FBXO33: variants seen among roughly 807,000 people sequenced by gnomAD.
FBXO33 encodes the protein F-box only protein 33.
FBXO33 carries 22 observed loss-of-function variants against 46.3 expected under a neutral mutation model. The observed-to-expected ratio is 0.48, with a 90% confidence interval of 0.34 to 0.68. The LOEUF is 0.68. FBXO33 is among the 30% of genes least tolerant of loss of function. The pLI is 0.01. For synonymous variants in FBXO33, 337 were observed against 291.3 expected (o/e 1.16, Z -1.60); for missense variants, 692 against 708.8 (o/e 0.98, Z 0.27).
chr14:39,432,069 G>T lies in FBXO33; in HGVS notation c.94C>A (p.Leu32Met). 1 of 1,243,606 alleles carries T rather than the reference G, an allele frequency of 8.0e-7. No homozygotes were observed. The highest frequency in any genetic ancestry group is 1.0e-6 in the Non-Finnish European group (1 of 996,354). 77.0% of individuals were successfully genotyped at this position (1,243,606 alleles called of 1,614,324 possible). ...CCCCGCAGCCGTCGCAGCTGCTGCA[G>T]CCGCAGCCGCCGCCACCGCGCCACC... ...ARVARWRRLRLQQLRRLRGLL... is the reference protein window; with the variant it reads ...ARVARWRRLRMQQLRRLRGLL... Residue 32 changes from leucine to methionine, a missense_variant, in exon 1 of 4, where the codon CTG becomes ATG. Leu to Met is a conservative substitution (Grantham distance 15). This residue lies in a region of FBXO33 where 412 missense variants were observed against 370.8 expected (regional missense o/e 1.11). Transcript: ENST00000298097.
intron 1 of FBXO33, among the ~76,000 whole-genome samples, chr14:39,412,997 G>A (rs1261110410): frequency 6.6e-6 from 1 of 152,250 alleles, no homozygotes; most frequent in Non-Finnish European, 1.5e-5. Flanking sequence ...GATAGCTGAA[G>A]GCTGGAGTGA....
At chr14:39,402,623 A>G (rs2075373897) in intron 1 of FBXO33, 112 bp from the exon 2 acceptor site, 1 of 419,824 alleles carries the variant, frequency 2.4e-6, no homozygotes, top group Non-Finnish European at 3.9e-6. Context: ...TCTATTTTAT[A>G]ACTCAATTAG....
chr14:39,409,436 T>C (rs936938499), intron 1 of FBXO33, among the ~76,000 whole-genome samples: 14 of 152,208 alleles, frequency 9.2e-5, no homozygotes, highest in African/African-American at 3.4e-4. Context: ...TCCACTGGTC[T>C]ATACATCCAT....
intron 1 of FBXO33, among the ~76,000 whole-genome samples, chr14:39,417,681 C>T (rs1242889135): frequency 1.3e-5 from 2 of 152,158 alleles, no homozygotes; most frequent in Non-Finnish European, 2.9e-5. Context: ...CAGGCATGCA[C>T]CACCATGCCC....
At chr14:39,415,447 G>A (rs905647062) in intron 1 of FBXO33, among the ~76,000 whole-genome samples, 2 of 152,168 alleles carry the variant, frequency 1.3e-5, no homozygotes, top group African/African-American at 4.8e-5. Context: ...TATCTGTGAA[G>A]TGCAATAAAA....
chr14:39,412,230 T>G (rs913521433), intron 1 of FBXO33, among the ~76,000 whole-genome samples: 1 of 152,226 alleles, frequency 6.6e-6, no homozygotes, highest in African/African-American at 2.4e-5. Context: ...CTTTACATAT[T>G]TAGGTGCCCT....
intron 1 of FBXO33, among the ~76,000 whole-genome samples, chr14:39,405,040 T>A (rs369131357): frequency 1.3e-5 from 2 of 148,806 alleles, no homozygotes; most frequent in African/African-American, 5.0e-5. Context: ...TCCAGCTACT[T>A]GGGAGGCTAA....
intron 1 of FBXO33, among the ~76,000 whole-genome samples, chr14:39,414,806 TGCACACCA>T (rs1245970674): frequency 3.3e-5 from 5 of 152,102 alleles, no homozygotes; most frequent in African/African-American, 9.7e-5. Context: ...GGAACACAGG[TGCACACCA>T]CTATGCCCAG....
At chr14:39,407,727 T>C (rs2075405501) in intron 1 of FBXO33, among the ~76,000 whole-genome samples, 1 of 152,246 alleles carries the variant, frequency 6.6e-6, no homozygotes, top group Non-Finnish European at 1.5e-5. Flanking sequence ...TTCCTTATAT[T>C]GGCTAATGTG....
intron 1 of FBXO33, among the ~76,000 whole-genome samples, chr14:39,405,128 CAAAAAA>C (rs55890131): frequency 8.7e-6 from 1 of 114,438 alleles, no homozygotes. Flanking sequence ...GATTCTGTCT[CAAAAAA>C]AAAAAAAAAA....
chr14:39,430,868 T>C (rs1416423341), intron 1 of FBXO33, among the ~76,000 whole-genome samples: 1 of 152,122 alleles, frequency 6.6e-6, no homozygotes, highest in African/African-American at 2.4e-5. Flanking sequence ...GTTATGTGCT[T>C]ACCCTCTGCA....
chr14:39,403,397 A>T (rs1256855605), intron 1 of FBXO33, among the ~76,000 whole-genome samples: 1 of 152,106 alleles, frequency 6.6e-6, no homozygotes, highest in East Asian at 1.9e-4. Context: ...GGAGTTCGAG[A>T]CCAGCCTGGC....
At chr14:39,428,447 G>A (rs1051389100) in intron 1 of FBXO33, among the ~76,000 whole-genome samples, 4 of 152,186 alleles carry the variant, frequency 2.6e-5, no homozygotes, top group African/African-American at 7.2e-5. Flanking sequence ...TGATCCACCC[G>A]TCTCGGCCTC....
intron 1 of FBXO33, among the ~76,000 whole-genome samples, chr14:39,426,223 G>A (rs990229796): frequency 6.6e-5 from 10 of 151,286 alleles, no homozygotes; most frequent in Non-Finnish European, 1.0e-4. Flanking sequence ...CAAGAAAATC[G>A]AGTGAGAAAG....
chr14:39,432,178 AG>A lies in FBXO33; in HGVS notation c.-17del. The stretch of plus-strand genomic sequence containing the variant: ...ACAACAACATCAATGACTAGGAAGA[AG>A]GGGGCGGAACCGTCGTGGGTCTCGG... On this transcript the variant is annotated 5_prime_UTR_variant, in exon 1 of 4. Coordinates refer to ENST00000298097, the MANE Select transcript of FBXO33 (RefSeq NM_203301.4). The A allele has an allele frequency of 8.2e-7, 1 of 1,223,454 alleles. No individual in the cohort carries two copies. 75.8% of individuals were successfully genotyped at this position (1,223,454 alleles called of 1,614,324 possible). A position where few individuals can be genotyped will look rare whatever the true frequency, so the allele number is the denominator to read the frequency against.
At chr14:39,405,397 G>A (rs997801420) in intron 1 of FBXO33, among the ~76,000 whole-genome samples, 4 of 152,090 alleles carry the variant, frequency 2.6e-5, no homozygotes, top group African/African-American at 9.7e-5. Context: ...GGGACAGTAG[G>A]CAAGAATAAC....
intron 1 of FBXO33, among the ~76,000 whole-genome samples, chr14:39,420,365 A>G (rs1442640188): frequency 6.6e-6 from 1 of 152,218 alleles, no homozygotes; most frequent in African/African-American, 2.4e-5. Flanking sequence ...AATGGCAATG[A>G]TATCTGGGAA....
rs575070819 is a variant in FBXO33 at position 39,425,563 on chromosome 14, C to T, written c.599+6001G>A. Among the ~76,000 whole-genome samples, 15 of 152,242 alleles carry T rather than the reference C, an allele frequency of 9.9e-5. No homozygotes were observed. The South Asian group carries it at 2.1e-3, about 21-fold the overall frequency. ...TAATCCACCATCATTGCATGAAATTCTCTTGGGCTGGTTCTATTCTTCTTA... is the reference window on the plus strand; with the variant it reads ...TAATCCACCATCATTGCATGAAATTTTCTTGGGCTGGTTCTATTCTTCTTA... On this transcript the variant is annotated intron_variant, in intron 1 of 3. Transcript: ENST00000298097.
At chr14:39,413,066 GA>G (rs1210665163) in intron 1 of FBXO33, among the ~76,000 whole-genome samples, 1 of 152,190 alleles carries the variant, frequency 6.6e-6, no homozygotes, top group African/African-American at 2.4e-5. Flanking sequence ...TTCCTTTCAT[GA>G]AAGATTTCTC....
Sources: gnomAD v4.1 joint callset for allele counts (sites outside exome capture counted in the v4.1 genomes callset) on GRCh38, gnomAD v4.1.1 for gene constraint, gnomAD v4.1.1 regional missense constraint, MANE v1.5 for transcripts, NCBI Gene and HGNC (gene_info 2026-07-23, HGNC 2026-07-21) for gene names.